ATRNL1: variants seen among roughly 807,000 people sequenced by gnomAD.
The protein encoded by ATRNL1 is attractin-like protein 1.
Under a neutral mutation model 182.7 loss-of-function variants are expected in ATRNL1, and 95 were observed. The ratio of observed to expected loss-of-function variants is 0.52; its 90% CI spans 0.44 to 0.62. The LOEUF is 0.62. ATRNL1 is among the 20% of genes least tolerant of loss of function. ATRNL1 has a pLI of 0.00. For missense variants in ATRNL1, 1,471 were observed against 1,679.5 expected (o/e 0.88, Z 2.17); for synonymous variants, 576 against 568.3 (o/e 1.01, Z -0.19).
chr10:115,686,606 G>C (rs563554707), intron 26 of ATRNL1, among the ~76,000 whole-genome samples: 1 of 152,054 alleles, frequency 6.6e-6, no homozygotes, highest in African/African-American at 2.4e-5. Flanking sequence ...CACATTAATA[G>C]GTGCTCAGTT....
intron 19 of ATRNL1, among the ~76,000 whole-genome samples, chr10:115,362,516 ATTG>A (rs1261338291): frequency 9.3e-5 from 13 of 139,474 alleles, no homozygotes; most frequent in African/African-American, 3.9e-4. Flanking sequence ...TATGCAGTAC[ATTG>A]TTTTTTTTTT....
intron 26 of ATRNL1, among the ~76,000 whole-genome samples, chr10:115,709,038 C>T (rs2532721): frequency 0.61 from 92,753 of 151,608 alleles, 29,068 homozygotes; most frequent in East Asian, 0.96. Flanking sequence ...CATCAGTAGA[C>T]TGAATAATAA....
intron 19 of ATRNL1, among the ~76,000 whole-genome samples, chr10:115,344,049 A>G (rs1476426513): frequency 6.6e-6 from 1 of 152,200 alleles, no homozygotes; most frequent in Non-Finnish European, 1.5e-5. Flanking sequence ...CACCGTGGCC[A>G]TCACCAGTAT....
chr10:115,192,680 A>G (rs782803166), intron 8 of ATRNL1, among the ~76,000 whole-genome samples: 9 of 152,040 alleles, frequency 5.9e-5, no homozygotes, highest in Admixed American at 1.3e-4. Context: ...ACCTTTGGGT[A>G]GTTTGGACAT....
intron 28 of ATRNL1, among the ~76,000 whole-genome samples, chr10:115,918,588 A>G (rs534415058): frequency 4.6e-5 from 7 of 152,348 alleles, no homozygotes; most frequent in Admixed American, 1.3e-4. Context: ...GTGTTTATAT[A>G]GTAGAGATGT....
At chr10:115,371,633 G>T (rs1857399963) in intron 19 of ATRNL1, among the ~76,000 whole-genome samples, 1 of 152,172 alleles carries the variant, frequency 6.6e-6, no homozygotes, top group African/African-American at 2.4e-5. Context: ...TACCCCCATT[G>T]TATCTAGGAA....
intron 27 of ATRNL1, among the ~76,000 whole-genome samples, chr10:115,738,288 C>T (rs1339413069): frequency 2.7e-5 from 4 of 149,672 alleles, no homozygotes; most frequent in Admixed American, 6.7e-5. Flanking sequence ...TATAGACACC[C>T]ACTACAATGC....
At chr10:115,450,323 G>C (rs926075863) in intron 21 of ATRNL1, among the ~76,000 whole-genome samples, 1 of 152,114 alleles carries the variant, frequency 6.6e-6, no homozygotes, top group Non-Finnish European at 1.5e-5. Flanking sequence ...ATCCAAATAG[G>C]AAGAGAGGAA....
intron 27 of ATRNL1, among the ~76,000 whole-genome samples, chr10:115,836,526 T>C (rs1950675981): frequency 6.6e-6 from 1 of 152,126 alleles, no homozygotes; most frequent in African/African-American, 2.4e-5. Flanking sequence ...TCCGTGCACC[T>C]CCCCTCGCTT....
In ATRNL1 at chr10:115,500,635, C is replaced by T. The variant is rs187822236; in HGVS notation, c.3655-18628C>T. Among the ~76,000 whole-genome samples the T allele has an allele frequency of 3.5e-3, 531 of 151,000 alleles. 1 individual carries two copies. Among genetic ancestry groups the T allele is most frequent in the African/African-American group, 7.3e-3 (301 of 41,144 alleles). ...CTCAGCTCATTGCAACCTCTGCCTC[C>T]GGATTCAAGCAATTCCCAGCCCCAG... On this transcript the variant is annotated intron_variant, in intron 24 of 28. Coordinates refer to ENST00000355044, the MANE Select transcript of ATRNL1 (RefSeq NM_207303.4).
chr10:115,504,894 G>C (rs527762941), intron 24 of ATRNL1, among the ~76,000 whole-genome samples: 11 of 151,934 alleles, frequency 7.2e-5, no homozygotes, highest in Non-Finnish European at 1.5e-4. Flanking sequence ...GCCTATAGAA[G>C]TACATCTTTA....
intron 19 of ATRNL1, among the ~76,000 whole-genome samples, chr10:115,371,017 T>G (rs1554947892): frequency 6.6e-6 from 1 of 152,164 alleles, no homozygotes. Context: ...AAGGTACAGC[T>G]TGGGCCATGG....
At chr10:115,096,501 C>A in intron 1 of ATRNL1, 2 of 410,920 alleles carry the variant, frequency 4.9e-6, no homozygotes, top group South Asian at 4.2e-5. Context: ...AATCTCACTT[C>A]ACTAACTATC....
chr10:115,632,337 T>C (rs1858567387), intron 26 of ATRNL1, among the ~76,000 whole-genome samples: 1 of 152,134 alleles, frequency 6.6e-6, no homozygotes, highest in African/African-American at 2.4e-5. Flanking sequence ...TATAACTTCA[T>C]GACTGGAAAA....
chr10:115,764,119 G>A (rs752288099), intron 27 of ATRNL1, among the ~76,000 whole-genome samples: 4 of 152,068 alleles, frequency 2.6e-5, no homozygotes, highest in Non-Finnish European at 4.4e-5. Context: ...CAGCAATTAA[G>A]GAACAACTAC....
intron 26 of ATRNL1, among the ~76,000 whole-genome samples, chr10:115,605,482 C>T (rs1049443302): frequency 1.3e-5 from 2 of 151,942 alleles, no homozygotes; most frequent in Non-Finnish European, 2.9e-5. Context: ...CATTTATTTT[C>T]ATATTTATAC....
intron 9 of ATRNL1, 103 bp downstream of exon 9, chr10:115,215,983 A>G (rs773951935): frequency 3.6e-5 from 30 of 824,612 alleles, no homozygotes; most frequent in South Asian, 5.5e-5. Context: ...ATATGCATTC[A>G]TTGTAAATGC....
chr10:115,438,564 A>G (rs970430758), intron 21 of ATRNL1, among the ~76,000 whole-genome samples: 3 of 151,898 alleles, frequency 2.0e-5, no homozygotes, highest in Admixed American at 1.3e-4. Context: ...TTTTCTCTTT[A>G]TATATTTTTG....
In ATRNL1 at chr10:115,231,072, G is replaced by A. The variant is rs532319412; in HGVS notation, c.1533-10499G>A. 2.8e-4 allele frequency among the ~76,000 whole-genome samples: 43 copies of A among 152,168 alleles called. 1 individual carries two copies. In the South Asian group the frequency reaches 8.5e-3, roughly 30 times the overall value. On this transcript the variant is annotated intron_variant, in intron 9 of 28. Coordinates refer to ENST00000355044, the MANE Select transcript of ATRNL1 (RefSeq NM_207303.4). The stretch of plus-strand genomic sequence containing the variant: ...TTGGTTTTAGACACGTTTAATTTGA[G>A]GTACATACTATACAGCTTGTGGATA...
Sources: gnomAD v4.1 joint callset for allele counts (sites outside exome capture counted in the v4.1 genomes callset) on GRCh38, gnomAD v4.1.1 for gene constraint, MANE v1.5 for transcripts, NCBI Gene and HGNC (gene_info 2026-07-23, HGNC 2026-07-21) for gene names.